The following ZNF486 variants were observed in gnomAD, a reference collection of about 807,000 sequenced individuals.
ZNF486 encodes zinc finger protein 486.
ZNF486 carries 12 observed loss-of-function variants against 12.8 expected under a neutral mutation model. That is an observed-to-expected ratio of 0.94 (90% CI 0.60 to 1.52). ZNF486 has a LOEUF of 1.52. ZNF486 is among the 40% of genes most tolerant of loss of function. ZNF486 has a pLI of 0.00. For synonymous variants in ZNF486, 231 were observed against 184.9 expected, an observed-to-expected ratio of 1.25 and a Z score of -2.02; for missense variants, 738 against 545.0, an observed-to-expected ratio of 1.35 and a Z score of -3.53.
Position 20,198,327 on chromosome 19 carries a change from T to C in ZNF486, c.*225T>C, listed in dbSNP as rs2089982055. 1 of 482,122 alleles carries C rather than the reference T, an allele frequency of 2.1e-6. No individual in the cohort carries two copies. Among genetic ancestry groups the C allele is most frequent in the South Asian group, 2.6e-5 (1 of 37,850 alleles). The allele number at this position is 482,122 out of a possible 1,614,324, so 29.9% of individuals were successfully genotyped here. A position where few individuals can be genotyped will look rare whatever the true frequency, so the allele number is the denominator to read the frequency against. ...CATGTTGGTCAGGCTGGTCTCAATC[T>C]CCTAACCTCAGGTGGTCTGCCTGCT... On this transcript the variant is annotated 3_prime_UTR_variant, in exon 4 of 4. Transcript: ENST00000335117.
At chr19:20,192,861 G>A (rs546554538) in intron 3 of ZNF486, among the ~76,000 whole-genome samples, 1 of 152,276 alleles carries the variant, frequency 6.6e-6, no homozygotes, top group Admixed American at 6.5e-5. Context: ...AAAGTCCTAA[G>A]ATTACATTTG....
At chr19:20,178,725 ATTTG>A (rs1278082983) in intron 1 of ZNF486, among the ~76,000 whole-genome samples, 9 of 152,146 alleles carry the variant, frequency 5.9e-5, no homozygotes, top group Admixed American at 2.6e-4. Flanking sequence ...TTGTGTCTCT[ATTTG>A]TTATCTATAG....
chr19:20,180,747 A>G (rs1234022175), intron 1 of ZNF486, among the ~76,000 whole-genome samples: 3 of 151,934 alleles, frequency 2.0e-5, no homozygotes, highest in African/African-American at 7.3e-5. Context: ...GCTGGTCTTG[A>G]ACTCCTGACC....
At chr19:20,183,086 ATTTC>A (rs2089803866) in intron 1 of ZNF486, among the ~76,000 whole-genome samples, 2 of 152,128 alleles carry the variant, frequency 1.3e-5, no homozygotes, top group Admixed American at 1.3e-4. Context: ...TCTGAAAAAT[ATTTC>A]TTTCCTATAT....
At chr19:20,169,164 G>C (rs1245925610) in intron 1 of ZNF486, among the ~76,000 whole-genome samples, 1 of 152,046 alleles carries the variant, frequency 6.6e-6, no homozygotes, top group Non-Finnish European at 1.5e-5. Context: ...ACCCAGTCTG[G>C]AGTGCAATGG....
chr19:20,192,277 C>T (rs1555717304), intron 3 of ZNF486, among the ~76,000 whole-genome samples: 1 of 152,022 alleles, frequency 6.6e-6, no homozygotes, highest in East Asian at 1.9e-4. Flanking sequence ...ACCACTGAGG[C>T]ATTCTATAGC....
At chr19:20,183,531 A>G (rs2089808897) in intron 1 of ZNF486, among the ~76,000 whole-genome samples, 1 of 152,118 alleles carries the variant, frequency 6.6e-6, no homozygotes, top group African/African-American at 2.4e-5. Context: ...TTCAGATTTT[A>G]TTTACTTTCT....
intron 1 of ZNF486, among the ~76,000 whole-genome samples, chr19:20,170,031 C>A (rs1008811618): frequency 6.6e-6 from 1 of 151,574 alleles, no homozygotes; most frequent in Non-Finnish European, 1.5e-5. Context: ...GCTGGGACTA[C>A]AGGCGCCCGC....
At chr19:20,178,597 A>G (rs1169251636) in intron 1 of ZNF486, among the ~76,000 whole-genome samples, 2 of 152,244 alleles carry the variant, frequency 1.3e-5, no homozygotes, top group Non-Finnish European at 2.9e-5. Flanking sequence ...ATTACCAGAC[A>G]TGATATAAAC....
chr19:20,187,633 C>T (rs2089863465), intron 3 of ZNF486, among the ~76,000 whole-genome samples: 1 of 151,352 alleles, frequency 6.6e-6, no homozygotes, highest in Non-Finnish European at 1.5e-5. Context: ...TCCCGAGTAG[C>T]TGGGACTACA....
chr19:20,177,256 C>G (rs921024382), intron 1 of ZNF486, among the ~76,000 whole-genome samples: 1 of 152,240 alleles, frequency 6.6e-6, no homozygotes, highest in Admixed American at 6.5e-5. Context: ...CTCCTCTAAA[C>G]TGTAACTAGC....
At chr19:20,196,037 GAGAC>G (rs2089955147) in intron 3 of ZNF486, among the ~76,000 whole-genome samples, 1 of 152,198 alleles carries the variant, frequency 6.6e-6, no homozygotes, top group Non-Finnish European at 1.5e-5. Flanking sequence ...GTGTATGTGT[GAGAC>G]AGAGTCTCAT....
At chr19:20,169,266 C>A (rs1367426046) in intron 1 of ZNF486, among the ~76,000 whole-genome samples, 1 of 152,202 alleles carries the variant, frequency 6.6e-6, no homozygotes, top group Non-Finnish European at 1.5e-5. Context: ...AGGCACGCGC[C>A]GTCACGCCCG....
At chr19:20,190,363 A>G (rs995869243) in intron 3 of ZNF486, among the ~76,000 whole-genome samples, 2 of 152,208 alleles carry the variant, frequency 1.3e-5, no homozygotes, top group Non-Finnish European at 2.9e-5. Flanking sequence ...AAAACACACA[A>G]TGTATAATTT....
chr19:20,187,012 T>C (rs2089855002), intron 3 of ZNF486, among the ~76,000 whole-genome samples: 1 of 151,916 alleles, frequency 6.6e-6, no homozygotes, highest in African/African-American at 2.4e-5. Context: ...CTTGAACTCC[T>C]GACCTTGTGA....
chr19:20,184,211 T>A, intron 1 of ZNF486, 145 bp from the exon 2 acceptor site: 1 of 1,242,714 alleles, frequency 8.0e-7, no homozygotes, highest in Non-Finnish European at 1.1e-6. Flanking sequence ...TTAGAAAATA[T>A]TTCTGTATTG....
At chr19:20,195,769 T>C (rs2089952265) in intron 3 of ZNF486, among the ~76,000 whole-genome samples, 1 of 152,228 alleles carries the variant, frequency 6.6e-6, no homozygotes, top group Non-Finnish European at 1.5e-5. Context: ...CTTATTCATA[T>C]CTCTTCTTAA....
At position 20,186,643 on chromosome 19, in the gene ZNF486, G is replaced by A. The variant is rs1175078684; in HGVS notation, c.253+561G>A. Among the ~76,000 whole-genome samples the A allele has an allele frequency of 5.9e-5, 9 of 151,724 alleles. No individual in the cohort carries two copies. In the South Asian group the frequency reaches 6.2e-4, roughly 11 times the overall value. On this transcript the variant is annotated intron_variant, in intron 3 of 3. Transcript: ENST00000335117. ...GCTATCAAAGTTATTTTAGTATCACGTAACTTTTAGAAATGTATTTTCCAT... is the reference window on the plus strand; with the variant it reads ...GCTATCAAAGTTATTTTAGTATCACATAACTTTTAGAAATGTATTTTCCAT...
In ZNF486 at chr19:20,179,339, G is replaced by T. The variant is rs117137505; in HGVS notation, c.31-5017G>T. Among the ~76,000 whole-genome samples, 917 of 152,282 alleles carry T rather than the reference G, an allele frequency of 6.0e-3. 5 individuals are homozygous for T. Among genetic ancestry groups the T allele is most frequent in the Non-Finnish European group, 0.01 (704 of 68,010 alleles). On this transcript the variant is annotated intron_variant, in intron 1 of 3. Coordinates refer to ENST00000335117, the MANE Select transcript of ZNF486 (RefSeq NM_052852.4). ...ACAACTCTGCATCAGCCCACTTTCT[G>T]TCCCTGTCTTGTCTTGACATATCTT...
Sources: allele counts gnomAD v4.1 joint callset (sites outside exome capture counted in the v4.1 genomes callset), GRCh38; gene constraint gnomAD v4.1.1; transcripts MANE v1.5; gene names NCBI Gene and HGNC (gene_info 2026-07-23, HGNC 2026-07-21).